Variants in RHEB observed in about 807,000 individuals in gnomAD.
The protein encoded by RHEB is GTP-binding protein Rheb.
RHEB carries 2 observed loss-of-function variants against 28.8 expected under a neutral mutation model. The observed-to-expected ratio is 0.07, with a 90% CI of 0.03 to 0.22. The LOEUF (loss-of-function observed/expected upper bound fraction) is 0.22. RHEB is among the 10% of genes least tolerant of loss of function. RHEB has a pLI of 1.00. For synonymous variants in RHEB, 69 were observed against 77.3 expected (o/e 0.89, Z 0.56); for missense variants, 76 against 219.9 (o/e 0.35, Z 4.14).
At chr7:151,470,024 TAC>T (rs1245878198) in intron 7 of RHEB, among the ~76,000 whole-genome samples, 2 of 152,200 alleles carry the variant, frequency 1.3e-5, no homozygotes, top group Non-Finnish European at 2.9e-5. Flanking sequence ...GAAGGGCTCA[TAC>T]AGGACTGTGA....
At chr7:151,491,276 C>T (rs910605965) in intron 1 of RHEB, among the ~76,000 whole-genome samples, 2 of 152,174 alleles carry the variant, frequency 1.3e-5, no homozygotes, top group African/African-American at 4.8e-5. Context: ...CCAACAAGCA[C>T]ATCAGATATT....
intron 1 of RHEB, among the ~76,000 whole-genome samples, chr7:151,496,368 C>G (rs1445734211): frequency 6.6e-6 from 1 of 152,166 alleles, no homozygotes; most frequent in South Asian, 2.1e-4. Context: ...CTTTCTGATT[C>G]TCATCATCTA....
At chr7:151,478,204 G>T (rs540927636) in intron 3 of RHEB, among the ~76,000 whole-genome samples, 1 of 152,048 alleles carries the variant, frequency 6.6e-6, no homozygotes, top group Non-Finnish European at 1.5e-5. Flanking sequence ...TGGTACGAAC[G>T]TTTCATTCTT....
chr7:151,480,378 T>G (rs1163588860), intron 3 of RHEB, among the ~76,000 whole-genome samples: 1 of 152,102 alleles, frequency 6.6e-6, no homozygotes, highest in Admixed American at 6.6e-5. Flanking sequence ...GATGTATTAC[T>G]TTTTGTGTAA....
At chr7:151,502,139 G>C (rs1802783279) in intron 1 of RHEB, 1 of 423,432 alleles carries the variant, frequency 2.4e-6, no homozygotes, top group South Asian at 2.9e-5. Flanking sequence ...GGGAGGCTGA[G>C]GCAGAAGAAT....
At chr7:151,499,228 C>T (rs547839547) in intron 1 of RHEB, among the ~76,000 whole-genome samples, 3 of 152,134 alleles carry the variant, frequency 2.0e-5, no homozygotes, top group Middle Eastern at 3.4e-3. Context: ...CGTGGTGGCA[C>T]GAGCCTGTAA....
rs548559402 is a variant in RHEB at position 151,490,829 on chromosome 7, A to T, written c.124+114T>A. 1.2e-5 allele frequency: 10 copies of T among 830,266 alleles called. No individual in the cohort carries two copies. In the Admixed American group the frequency reaches 1.8e-4, roughly 15 times the overall value. 51.4% of individuals were successfully genotyped at this position (830,266 alleles called of 1,614,324 possible). On this transcript the variant is annotated intron_variant, in intron 2 of 7. Coordinates refer to ENST00000262187, the MANE Select transcript of RHEB (RefSeq NM_005614.4). ...CTTTTGCAAGTTTTCTTTGACCCCA[A>T]TTGGGAGACACACAGAATTTACCTC...
intron 1 of RHEB, among the ~76,000 whole-genome samples, chr7:151,496,046 A>G (rs1802666800): frequency 6.6e-6 from 1 of 152,208 alleles, no homozygotes; most frequent in Non-Finnish European, 1.5e-5. Flanking sequence ...CTAGTCTATC[A>G]AGGCATTCTG....
At chr7:151,467,874 G>C (rs1163072528) in intron 7 of RHEB, among the ~76,000 whole-genome samples, 1 of 152,114 alleles carries the variant, frequency 6.6e-6, no homozygotes, top group Non-Finnish European at 1.5e-5. Context: ...TACACTGAGT[G>C]GGGAGGAGAA....
intron 3 of RHEB, among the ~76,000 whole-genome samples, chr7:151,477,749 C>G (rs1802297003): frequency 6.6e-6 from 1 of 152,200 alleles, no homozygotes; most frequent in Non-Finnish European, 1.5e-5. Flanking sequence ...ACTCCAGAAC[C>G]TTCTAGACCT....
At chr7:151,492,595 C>G (rs1052210385) in intron 1 of RHEB, among the ~76,000 whole-genome samples, 3 of 148,660 alleles carry the variant, frequency 2.0e-5, no homozygotes, top group Non-Finnish European at 4.4e-5. Context: ...CCACTCTGGG[C>G]AACAGAGTGA....
rs114310970 is a variant in RHEB, at chr7:151,481,814, C to T, written c.192+2923G>A. On this transcript the variant is annotated intron_variant, in intron 3 of 7. Transcript: ENST00000262187. ...CCGAAGGGGCAAGACAACAGGGCTG[C>T]TAATATGACCACTGCTCTTGTCTTA... Among the ~76,000 whole-genome samples, 766 of 152,352 alleles carry T rather than the reference C, an allele frequency of 5.0e-3. 4 individuals carry two copies. Among genetic ancestry groups the T allele is most frequent in the African/African-American group, 0.017 (726 of 41,584 alleles).
chr7:151,486,376 G>C (rs1344313957), intron 2 of RHEB, among the ~76,000 whole-genome samples: 1 of 152,122 alleles, frequency 6.6e-6, no homozygotes, highest in Non-Finnish European at 1.5e-5. Flanking sequence ...CACTGTTGTG[G>C]GTGCTTGGGA....
At chr7:151,512,058 T>A (rs941281315) in intron 1 of RHEB, among the ~76,000 whole-genome samples, 1 of 152,228 alleles carries the variant, frequency 6.6e-6, no homozygotes, top group African/African-American at 2.4e-5. Flanking sequence ...GAGTACTGTA[T>A]CAATGTTAAG....
chr7:151,508,483 T>C (rs946262978), intron 1 of RHEB, among the ~76,000 whole-genome samples: 2 of 152,328 alleles, frequency 1.3e-5, no homozygotes, highest in Middle Eastern at 3.4e-3. Context: ...AGTGTAAGTA[T>C]GACAAATGTA....
chr7:151,477,994 T>A (rs1454251494), intron 3 of RHEB, among the ~76,000 whole-genome samples: 1 of 151,944 alleles, frequency 6.6e-6, no homozygotes, highest in Non-Finnish European at 1.5e-5. Context: ...CAGGTTCAAT[T>A]GAGGTATTCA....
At chr7:151,495,743 G>A (rs1014515318) in intron 1 of RHEB, among the ~76,000 whole-genome samples, 1 of 152,182 alleles carries the variant, frequency 6.6e-6, no homozygotes, top group Admixed American at 6.5e-5. Context: ...TTGACCCCAG[G>A]AGTTTGAGAC....
chr7:151,482,496 T>C (rs982701210), intron 3 of RHEB, among the ~76,000 whole-genome samples: 2 of 152,326 alleles, frequency 1.3e-5, no homozygotes, highest in East Asian at 1.9e-4. Flanking sequence ...TCCAAACAGT[T>C]ATGAAATACT....
intron 1 of RHEB, among the ~76,000 whole-genome samples, chr7:151,494,679 A>G (rs1441269050): frequency 2.6e-5 from 4 of 152,220 alleles, no homozygotes; most frequent in Admixed American, 2.6e-4. Flanking sequence ...TTTCAATCAG[A>G]CTGGCCCTAG....
Sources: allele counts gnomAD v4.1 joint callset (sites outside exome capture counted in the v4.1 genomes callset), GRCh38; gene constraint gnomAD v4.1.1; transcripts MANE v1.5; gene names NCBI Gene and HGNC (gene_info 2026-07-23, HGNC 2026-07-21).